SNX22: variants seen among roughly 807,000 people sequenced by gnomAD.
The protein encoded by SNX22 is sorting nexin 22, also known as sorting nexin-22.
SNX22 carries 23 observed loss-of-function variants against 24.7 expected under a neutral mutation model. The ratio of observed to expected loss-of-function variants is 0.93; its 90% confidence interval spans 0.67 to 1.32. SNX22 has a LOEUF of 1.32. Ranked by LOEUF, SNX22 falls within the 40% of genes most tolerant of loss-of-function variation. The pLI is 0.00. For missense variants in SNX22, 261 were observed against 249.9 expected (o/e 1.04, Z -0.30); for synonymous variants, 99 against 104.0 (o/e 0.95, Z 0.29).
At chr15:64,151,976 C>G (rs1373676214) in intron 1 of SNX22, 126 bp downstream of exon 1, 3 of 1,023,718 alleles carry the variant, frequency 2.9e-6, no homozygotes, top group Non-Finnish European at 4.0e-6. Flanking sequence ...TCGGGGGAAA[C>G]CTTGTCGAGG....
At chr15:64,154,208 C>A in intron 6 of SNX22, 179 bp from the exon 7 acceptor site, 1 of 1,575,092 alleles carries the variant, frequency 6.3e-7, no homozygotes, top group Non-Finnish European at 8.6e-7. Context: ...AGCCTGACTT[C>A]TTTACCAAGC....
intron 1 of SNX22, 104 bp downstream of exon 1, chr15:64,151,954 C>G: frequency 8.8e-7 from 1 of 1,131,042 alleles, no homozygotes; most frequent in Non-Finnish European, 1.2e-6. Context: ...ACGAGCGCTG[C>G]GGGCTGGACC....
chr15:64,152,439 C>G (rs942200834), intron 2 of SNX22, 113 bp downstream of exon 2: 2 of 1,289,398 alleles, frequency 1.6e-6, no homozygotes, highest in African/African-American at 1.5e-5. Context: ...ATTACTGCCT[C>G]AGTCCCTGCG....
At position 64,155,485 on chromosome 15, in the gene SNX22, G is replaced by A. The variant is rs548675865; in HGVS notation, c.*977G>A. The stretch of plus-strand genomic sequence containing the variant: ...GTCTGGAAGTTTGAGACCAGCCAGC[G>A]CAACATAGTGAGACCTGTCTCTACC... On this transcript the variant is annotated 3_prime_UTR_variant, in exon 7 of 7. Coordinates refer to ENST00000325881, the MANE Select transcript of SNX22 (RefSeq NM_024798.3). 4 of 151,976 alleles carry A rather than the reference G, an allele frequency of 2.6e-5. No homozygotes were observed. The highest frequency in any genetic ancestry group is 3.5e-4 in the South Asian group (2 of 5,778). 9.4% of individuals were successfully genotyped at this position (151,976 alleles called of 1,614,324 possible). A position where few individuals can be genotyped will look rare whatever the true frequency, so the allele number is the denominator to read the frequency against.
Position 64,156,683 on chromosome 15 carries a change from G to A in SNX22, c.*2175G>A, listed in dbSNP as rs772749269. On this transcript the variant is annotated 3_prime_UTR_variant, in exon 7 of 7. Transcript: ENST00000325881. This position sits in a 1 kb window ranked among gnomAD's most constrained non-coding sequence, Gnocchi z 6.4. ...GCCCTGGGGTCTGTGTTGAATCCCC[G>A]GTGAGGATTGCCCAGTAGTAGCCCT... 18 of 1,608,742 alleles carry A rather than the reference G, an allele frequency of 1.1e-5. No individual in the cohort carries two copies. Among genetic ancestry groups the A allele is most frequent in the Middle Eastern group, 1.6e-4 (1 of 6,074 alleles).
intron 5 of SNX22, 123 bp downstream of exon 5, chr15:64,153,807 C>T (rs775082617): frequency 1.3e-6 from 2 of 1,591,560 alleles, no homozygotes; most frequent in South Asian, 1.1e-5. Flanking sequence ...CCTTTGGTGC[C>T]TCCTGAGCCC....
chr15:64,156,505 C>T lies in SNX22; in HGVS notation c.*1997C>T. ...GTGAAGGAGGGGAGGGAGGCTCTGG[C>T]AGTTGTGCAGCCTTCCTGGCTGGGC... On this transcript the variant is annotated 3_prime_UTR_variant, in exon 7 of 7. Transcript: ENST00000325881. The surrounding 1 kb of genome is among the most constrained non-coding windows in gnomAD (Gnocchi z 6.4). 1 of 655,046 alleles carries T rather than the reference C, an allele frequency of 1.5e-6. No homozygotes were observed. The allele number at this position is 655,046 out of a possible 1,614,324, so 40.6% of individuals were successfully genotyped here. A position where few individuals can be genotyped will look rare whatever the true frequency, so the allele number is the denominator to read the frequency against.
chr15:64,151,884 G>C, intron 1 of SNX22, 34 bp downstream of exon 1: 1 of 1,512,122 alleles, frequency 6.6e-7, no homozygotes. Flanking sequence ...AGGGGCGCCG[G>C]GACCCGCAGG....
intron 6 of SNX22, 49 bp from the exon 7 acceptor site, chr15:64,154,338 T>A: frequency 6.2e-7 from 1 of 1,609,046 alleles, no homozygotes; most frequent in Non-Finnish European, 8.5e-7. Flanking sequence ...GAGCAGGAGC[T>A]CAAGGAGCTG....
Position 64,152,688 on chromosome 15 carries a change from C to A in SNX22, c.210C>A (p.Asn70Lys). Residue 70 changes from asparagine to lysine, a missense_variant, in exon 3 of 7, where the codon AAC becomes AAA. Coordinates refer to ENST00000325881, the MANE Select transcript of SNX22 (RefSeq NM_024798.3). Reference protein sequence around the residue: ...VPDFPSKRLPNWRTRGLEQRR... With the variant: ...VPDFPSKRLPKWRTRGLEQRR... ...ACTTCCCCTCGAAACGCCTGCCCAA[C>A]TGGAGGACCAGAGGGTTGGAACAGC... 6.2e-7 allele frequency: 1 copy of A among 1,614,224 alleles called. No individual in the cohort carries two copies. Among genetic ancestry groups the A allele is most frequent in the Admixed American group, 1.7e-5 (1 of 60,026 alleles).
chr15:64,156,107 GCTGT>G lies in SNX22; in HGVS notation c.*1606_*1609del, dbSNP rs398122834. The G allele has an allele frequency of 1.2e-6, 2 of 1,614,200 alleles. No homozygotes were observed. The highest frequency in any genetic ancestry group is 8.5e-7 in the Non-Finnish European group (1 of 1,180,030). On this transcript the variant is annotated 3_prime_UTR_variant, in exon 7 of 7. Transcript: ENST00000325881. This position sits in a 1 kb window ranked among gnomAD's most constrained non-coding sequence, Gnocchi z 6.4. ...TCACATCCTTCAGGGGTTTATCCCGGCTGTCTGTCTTGGTGCTCTCCACCTTCCG... is the reference window on the plus strand; with the variant it reads ...TCACATCCTTCAGGGGTTTATCCCGGCTGTCTTGGTGCTCTCCACCTTCCG...
chr15:64,155,868 A>T lies in SNX22; in HGVS notation c.*1360A>T. On this transcript the variant is annotated 3_prime_UTR_variant, in exon 7 of 7. Coordinates refer to ENST00000325881, the MANE Select transcript of SNX22 (RefSeq NM_024798.3). ...TTTTTTATTGGTCAGTGTTGGTAGG[A>T]GTTTGTTACAAAAGTGAGTCCATGG... is the stretch of plus-strand genomic sequence containing the variant. 1 of 1,044,634 alleles carries T rather than the reference A, an allele frequency of 9.6e-7. No homozygotes were observed. Among genetic ancestry groups the T allele is most frequent in the Non-Finnish European group, 1.5e-6 (1 of 685,256 alleles). 64.7% of individuals were successfully genotyped at this position (1,044,634 alleles called of 1,614,324 possible).
rs1449439615 is a variant in SNX22, at chr15:64,152,261, C to T, written c.94C>T (p.Leu32=). ...KSHMVFRVEV[L]CSGRRHTVPR... ...CCGCCAGGTGTTCCGAGTGGAGGTG[C>T]TGTGCAGCGGGCGCAGACACACGGT... Residue 32 remains leucine (L), a synonymous_variant, in exon 2 of 7, where the codon CTG becomes TTG. Transcript: ENST00000325881. The T allele has an allele frequency of 4.1e-6, 6 of 1,459,834 alleles. No individual in the cohort carries two copies. Among genetic ancestry groups the T allele is most frequent in the Non-Finnish European group, 4.5e-6 (5 of 1,115,466 alleles). 90.4% of individuals were successfully genotyped at this position (1,459,834 alleles called of 1,614,324 possible).
intron 4 of SNX22, 112 bp from the exon 5 acceptor site, chr15:64,153,540 A>G: frequency 6.5e-7 from 1 of 1,532,020 alleles, no homozygotes; most frequent in Non-Finnish European, 9.0e-7. Context: ...GCTTGTTACA[A>G]ATAGAAGCAG....
intron 1 of SNX22, 24 bp from the exon 2 acceptor site, chr15:64,152,218 AC>A (rs1189169516): frequency 5.8e-6 from 8 of 1,385,654 alleles, no homozygotes; most frequent in Non-Finnish European, 7.4e-6. Flanking sequence ...TCACGCGCAG[AC>A]CCGCTGCCCG....
intron 6 of SNX22, 21 bp from the exon 7 acceptor site, chr15:64,154,366 C>T: frequency 6.2e-7 from 1 of 1,613,992 alleles, no homozygotes. Flanking sequence ...GAGGCCAGAC[C>T]TGTTTAATTC....
intron 3 of SNX22, chr15:64,152,993 G>A (rs1013247024): frequency 3.3e-5 from 20 of 608,738 alleles, no homozygotes; most frequent in African/African-American, 5.6e-5. Flanking sequence ...TCCATGGTGA[G>A]GTCCTGTGCT....
In SNX22 at chr15:64,154,820, C is replaced by T. The variant is rs1459271755; in HGVS notation, c.*312C>T. Reference sequence around the variant, plus strand: ...TGGGAGGCCAAGATGGGTGGATCACCTGAAGTCAGGAGTTCGAGACCAGCC... The same window carrying T: ...TGGGAGGCCAAGATGGGTGGATCACTTGAAGTCAGGAGTTCGAGACCAGCC... On this transcript the variant is annotated 3_prime_UTR_variant, in exon 7 of 7. Coordinates refer to ENST00000325881, the MANE Select transcript of SNX22 (RefSeq NM_024798.3). 4.5e-6 allele frequency: 1 copy of T among 224,044 alleles called. No homozygotes were observed. Among genetic ancestry groups the T allele is most frequent in the African/African-American group, 2.3e-5 (1 of 43,848 alleles). The allele number at this position is 224,044 out of a possible 1,614,324, so 13.9% of individuals were successfully genotyped here. A position where few individuals can be genotyped will look rare whatever the true frequency, so the allele number is the denominator to read the frequency against.
chr15:64,157,100 G>A lies in SNX22; in HGVS notation c.*2592G>A. 3.2e-6 allele frequency: 2 copies of A among 619,614 alleles called. No homozygotes were observed. The highest frequency in any genetic ancestry group is 3.9e-5 in the South Asian group (2 of 50,670). 38.4% of individuals were successfully genotyped at this position (619,614 alleles called of 1,614,324 possible). On this transcript the variant is annotated 3_prime_UTR_variant, in exon 7 of 7. Coordinates refer to ENST00000325881, the MANE Select transcript of SNX22 (RefSeq NM_024798.3). The surrounding 1 kb of genome is among the most constrained non-coding windows in gnomAD (Gnocchi z 4.2). ...CAAGCCATGCTGACTGAGGCCAAGT[G>A]GGGCATCAGGCCAGGCTGATGTGGT... is the stretch of plus-strand genomic sequence containing the variant.
Sources: gnomAD v4.1 joint callset for allele counts on GRCh38, gnomAD v4.1.1 for gene constraint, Gnocchi (gnomAD v3.1) non-coding constraint, MANE v1.5 for transcripts, NCBI Gene and HGNC (gene_info 2026-07-23, HGNC 2026-07-21) for gene names.